Variants in CCDC186 observed in about 807,000 individuals in gnomAD.
CCDC186 encodes coiled-coil domain containing 186.
A neutral mutation model predicts 113.7 loss-of-function variants in CCDC186; 49 were observed. That is an observed-to-expected ratio of 0.43 (90% confidence interval 0.34 to 0.55). The LOEUF (loss-of-function observed/expected upper bound fraction) is 0.55. CCDC186 is among the 20% of genes least tolerant of loss of function. The probability of loss-of-function intolerance (pLI) is 0.02; values close to 1 mark genes in which losing one functional copy is unlikely to be tolerated. For missense variants in CCDC186, 890 were observed against 1,011.1 expected, an observed-to-expected ratio of 0.88 and a Z score of 1.62; for synonymous variants, 355 against 345.8, an observed-to-expected ratio of 1.03 and a Z score of -0.30.
intron 4 of CCDC186, among the ~76,000 whole-genome samples, chr10:114,146,555 A>C (rs557389263): frequency 6.6e-6 from 1 of 152,322 alleles, no homozygotes; most frequent in East Asian, 1.9e-4. Context: ...GAAATACCTA[A>C]CTGGATTAAG....
chr10:114,139,077 C>G (rs977829189), intron 6 of CCDC186, among the ~76,000 whole-genome samples: 2 of 152,188 alleles, frequency 1.3e-5, no homozygotes, highest in African/African-American at 4.8e-5. Context: ...TCGATAGCGA[C>G]TAACTCAATA....
chr10:114,146,774 C>T (rs1295482318), intron 4 of CCDC186, among the ~76,000 whole-genome samples: 1 of 152,118 alleles, frequency 6.6e-6, no homozygotes, highest in Non-Finnish European at 1.5e-5. Flanking sequence ...TAAATAAACA[C>T]TGATGATGCA....
intron 3 of CCDC186, among the ~76,000 whole-genome samples, chr10:114,154,210 C>CAAAAA (rs1276405190): frequency 3.7e-5 from 3 of 81,116 alleles, no homozygotes; most frequent in African/African-American, 1.2e-4. Flanking sequence ...GACCTTGTCT[C>CAAAAA]AAAAAAAAAA....
At chr10:114,145,105 C>A (rs2031594111) in intron 5 of CCDC186, among the ~76,000 whole-genome samples, 1 of 151,994 alleles carries the variant, frequency 6.6e-6, no homozygotes, top group South Asian at 2.1e-4. Context: ...CTAAGAAAGA[C>A]ATGTTTTTCT....
intron 4 of CCDC186, among the ~76,000 whole-genome samples, chr10:114,146,173 G>A (rs2031635124): frequency 2.0e-5 from 3 of 152,162 alleles, no homozygotes; most frequent in Admixed American, 1.3e-4. Context: ...TGGGAACGTA[G>A]GCAGAGTGAG....
At chr10:114,134,428 T>C (rs1411340664) in intron 10 of CCDC186, among the ~76,000 whole-genome samples, 2 of 152,144 alleles carry the variant, frequency 1.3e-5, no homozygotes, top group Non-Finnish European at 2.9e-5. Context: ...CTCAGCAGCT[T>C]AGTTATCAGC....
chr10:114,142,602 C>T (rs1385684031), intron 6 of CCDC186, among the ~76,000 whole-genome samples: 1 of 152,172 alleles, frequency 6.6e-6, no homozygotes, highest in South Asian at 2.1e-4. Flanking sequence ...AGTTAAATCC[C>T]AAAGGAGTTT....
chr10:114,158,087 A>AG (rs2032062951), intron 2 of CCDC186, among the ~76,000 whole-genome samples: 1 of 152,200 alleles, frequency 6.6e-6, no homozygotes, highest in Admixed American at 6.5e-5. Context: ...TAACAAGGGT[A>AG]GGGGCTGCTA....
intron 7 of CCDC186, 82 bp downstream of exon 7, chr10:114,137,104 G>A (rs772011165): frequency 3.2e-5 from 33 of 1,036,286 alleles, no homozygotes; most frequent in East Asian, 5.1e-5. Flanking sequence ...GCGACAGAGC[G>A]AGACTCCATC....
intron 2 of CCDC186, among the ~76,000 whole-genome samples, chr10:114,158,779 T>C (rs1178400054): frequency 6.6e-6 from 1 of 152,158 alleles, no homozygotes; most frequent in African/African-American, 2.4e-5. Flanking sequence ...TAGTAAGCAG[T>C]TGAACTTTCA....
intron 4 of CCDC186, among the ~76,000 whole-genome samples, chr10:114,150,164 T>G (rs1037510733): frequency 2.0e-5 from 3 of 152,210 alleles, no homozygotes; most frequent in African/African-American, 7.2e-5. Context: ...ATTCAAATAA[T>G]GAAGGTGTGA....
rs529185242 is a variant in CCDC186, at chr10:114,123,829, C to T, written c.*1314G>A. 5.9e-5 allele frequency: 9 copies of T among 152,126 alleles called. No homozygotes were observed. The highest frequency in any genetic ancestry group is 2.2e-4 in the African/African-American group (9 of 41,510). The allele number at this position is 152,126 out of a possible 1,614,324, so 9.4% of individuals were successfully genotyped here. On this transcript the variant is annotated 3_prime_UTR_variant, in exon 16 of 16. Transcript: ENST00000369287. ...AAGTTCCTTTGGTTACAGATATATA[C>T]TTATTTTAGGTATGTGTGAGGTTTT... is the stretch of plus-strand genomic sequence containing the variant.
At chr10:114,166,976 T>C (rs1444498488) in intron 1 of CCDC186, among the ~76,000 whole-genome samples, 3 of 151,704 alleles carry the variant, frequency 2.0e-5, no homozygotes, top group African/African-American at 7.3e-5. Flanking sequence ...AGAAAAATCA[T>C]GTAAATTGGC....
intron 1 of CCDC186, among the ~76,000 whole-genome samples, chr10:114,166,933 G>C (rs2032350299): frequency 6.6e-6 from 1 of 150,890 alleles, no homozygotes; most frequent in South Asian, 2.1e-4. Context: ...AGTACTTTCT[G>C]TAACTTCTGT....
Position 114,167,799 on chromosome 10 carries a change from TAAAA to T in CCDC186, c.-61-4474_-61-4471del, listed in dbSNP as rs60257583. Among the ~76,000 whole-genome samples the T allele has an allele frequency of 2.4e-3, 173 of 71,294 alleles. 1 individual carries two copies. The highest frequency in any genetic ancestry group is 7.4e-3 in the African/African-American group (125 of 16,996). The allele number at this position is 71,294 out of a possible 152,430, so 46.8% of individuals were successfully genotyped here. ...GCAACATAACAAGACCTAATCTCCG[TAAAA>T]AAAAAAAAAAAAAAAAAAAAAAAAT... On this transcript the variant is annotated intron_variant, in intron 1 of 15. Coordinates refer to ENST00000369287, the MANE Select transcript of CCDC186 (RefSeq NM_018017.4).
intron 3 of CCDC186, 122 bp from the exon 4 acceptor site, chr10:114,151,342 G>GA (rs2031851819): frequency 1.3e-6 from 1 of 791,566 alleles, no homozygotes; most frequent in Non-Finnish European, 1.9e-6. Context: ...TTCAGCTATT[G>GA]AAATAAAAAC....
chr10:114,135,847 GA>G, intron 9 of CCDC186, 43 bp downstream of exon 9: 2 of 1,407,462 alleles, frequency 1.4e-6, no homozygotes, highest in Non-Finnish European at 2.0e-6. Context: ...CAAAATTTAA[GA>G]TATTTACCCT....
At chr10:114,125,289 T>A in intron 15 of CCDC186, 63 bp from the exon 16 acceptor site, 2 of 1,274,588 alleles carry the variant, frequency 1.6e-6, no homozygotes, top group Non-Finnish European at 2.2e-6. Flanking sequence ...ATAAAACAAT[T>A]CAGTTTGAAC....
chr10:114,145,346 C>A (rs1021551075), intron 5 of CCDC186, among the ~76,000 whole-genome samples: 2 of 151,840 alleles, frequency 1.3e-5, no homozygotes, highest in Non-Finnish European at 2.9e-5. Context: ...CTTATTTTTT[C>A]CCTAGCAAAC....
Sources: gnomAD v4.1 joint callset for allele counts (sites outside exome capture counted in the v4.1 genomes callset) on GRCh38, gnomAD v4.1.1 for gene constraint, MANE v1.5 for transcripts, NCBI Gene and HGNC (gene_info 2026-07-23, HGNC 2026-07-21) for gene names.